The following CBFA2T2 variants were observed in gnomAD, a reference collection of about 807,000 sequenced individuals.
The protein encoded by CBFA2T2 is CBFA2/RUNX1 partner transcriptional co-repressor 2.
In CBFA2T2, 11 loss-of-function variants were observed where a neutral mutation model predicts 62.2. The ratio of observed to expected loss-of-function variants is 0.18; its 90% confidence interval spans 0.11 to 0.29. The LOEUF (loss-of-function observed/expected upper bound fraction) is 0.29. Among genes scored for constraint, CBFA2T2 ranks in the 10% least tolerant of loss-of-function variants. CBFA2T2 has a pLI of 1.00. For synonymous variants in CBFA2T2, 295 were observed against 287.5 expected (o/e 1.03, Z -0.27); for missense variants, 592 against 774.1 (o/e 0.76, Z 2.79).
At position 33,518,708 on chromosome 20, in the gene CBFA2T2, G is replaced by A. The variant is rs1600921314; in HGVS notation, c.34+28407G>A. On this transcript the variant is annotated intron_variant, in intron 1 of 10. Transcript: ENST00000342704. ...AATCTCTTGAACCCGAGTGGCAGAG[G>A]TTGCGGTGAGCTGATAACACGCCAT... Among the ~76,000 whole-genome samples the A allele has an allele frequency of 2.0e-5, 3 of 151,534 alleles. No individual in the cohort carries two copies. The East Asian group carries it at 5.8e-4, about 30-fold the overall frequency.
At chr20:33,642,439 CA>C (rs994897834) in intron 10 of CBFA2T2, among the ~76,000 whole-genome samples, 17 of 148,038 alleles carry the variant, frequency 1.1e-4, no homozygotes, top group African/African-American at 2.2e-4. Context: ...CCATTTCTGC[CA>C]AAAAAAAAAT....
At chr20:33,517,297 A>G (rs1000708440) in intron 1 of CBFA2T2, among the ~76,000 whole-genome samples, 7 of 152,190 alleles carry the variant, frequency 4.6e-5, no homozygotes, top group Admixed American at 4.6e-4. Context: ...TTCATGACAT[A>G]TGGGAAGAAA....
chr20:33,516,764 C>T (rs887474083), intron 1 of CBFA2T2, among the ~76,000 whole-genome samples: 5 of 152,200 alleles, frequency 3.3e-5, no homozygotes, highest in African/African-American at 2.4e-5. Context: ...GTAATACTCA[C>T]GCAGTGTTTT....
At chr20:33,518,813 T>G (rs1600921408) in intron 1 of CBFA2T2, among the ~76,000 whole-genome samples, 1 of 152,008 alleles carries the variant, frequency 6.6e-6, no homozygotes. Flanking sequence ...GTCTTGGTTT[T>G]CTTTTTTTCT....
At chr20:33,590,351 A>T (rs1183329416) in intron 1 of CBFA2T2, among the ~76,000 whole-genome samples, 5 of 151,960 alleles carry the variant, frequency 3.3e-5, no homozygotes, top group Non-Finnish European at 7.4e-5. Flanking sequence ...TTTTTTAAGT[A>T]CCTGTTGGCC....
At chr20:33,550,608 GTTAT>G (rs55635841) in intron 1 of CBFA2T2, among the ~76,000 whole-genome samples, 2,788 of 150,184 alleles carry the variant, frequency 0.019, 73 homozygotes, top group African/African-American at 0.063. Flanking sequence ...TACTAATGTG[GTTAT>G]TTATTTATTT....
chr20:33,557,192 T>C (rs1263069269), intron 1 of CBFA2T2, among the ~76,000 whole-genome samples: 1 of 151,888 alleles, frequency 6.6e-6, no homozygotes, highest in East Asian at 1.9e-4. Context: ...TTTTTGTATT[T>C]TTAGTAGAGA....
At chr20:33,600,775 G>A (rs2015100341) in intron 1 of CBFA2T2, among the ~76,000 whole-genome samples, 1 of 151,998 alleles carries the variant, frequency 6.6e-6, no homozygotes, top group Admixed American at 6.6e-5. Context: ...TTTCCCATAA[G>A]TGAGGTCCCT....
At chr20:33,552,896 A>C (rs780858001) in intron 1 of CBFA2T2, among the ~76,000 whole-genome samples, 4 of 151,994 alleles carry the variant, frequency 2.6e-5, no homozygotes, top group Non-Finnish European at 5.9e-5. Context: ...AATATTCTTC[A>C]TCTCCACCCC....
At chr20:33,536,933 G>A (rs561920404) in intron 1 of CBFA2T2, among the ~76,000 whole-genome samples, 3 of 151,156 alleles carry the variant, frequency 2.0e-5, no homozygotes, top group East Asian at 2.0e-4. Flanking sequence ...ATGGGATGGC[G>A]GCCGGGCAGA....
chr20:33,642,627 A>T (rs1292133076), intron 10 of CBFA2T2, among the ~76,000 whole-genome samples: 3 of 151,962 alleles, frequency 2.0e-5, no homozygotes, highest in African/African-American at 7.3e-5. Flanking sequence ...AAAAAGAAAA[A>T]AGGTGATGAC....
intron 1 of CBFA2T2, among the ~76,000 whole-genome samples, chr20:33,538,792 C>T (rs1165746440): frequency 6.6e-6 from 1 of 150,498 alleles, no homozygotes; most frequent in Non-Finnish European, 1.5e-5. Flanking sequence ...AGATTCTGTC[C>T]TTTTCAATTT....
intron 1 of CBFA2T2, among the ~76,000 whole-genome samples, chr20:33,503,499 C>A (rs1012455711): frequency 2.0e-5 from 3 of 152,010 alleles, no homozygotes; most frequent in Non-Finnish European, 4.4e-5. Flanking sequence ...GTGATCCGCC[C>A]GCCTCGGCCT....
intron 1 of CBFA2T2, among the ~76,000 whole-genome samples, chr20:33,576,919 C>G (rs2013854932): frequency 6.6e-6 from 1 of 152,250 alleles, no homozygotes; most frequent in Non-Finnish European, 1.5e-5. Flanking sequence ...GATCTTATAG[C>G]TGCTACTTTT....
intron 10 of CBFA2T2, among the ~76,000 whole-genome samples, chr20:33,642,112 TTTTTTG>T (rs1404642978): frequency 0.012 from 884 of 74,614 alleles, 6 homozygotes; most frequent in African/African-American, 0.015. Flanking sequence ...TGTCTTTTTT[TTTTTTG>T]TGTGTGTGTG....
At chr20:33,591,467 C>CAAA (rs11475752) in intron 1 of CBFA2T2, among the ~76,000 whole-genome samples, 1 of 98,076 alleles carries the variant, frequency 1.0e-5, no homozygotes, top group Non-Finnish European at 2.2e-5. Context: ...GAGTAAATCT[C>CAAA]AAAAAAAAAA....
intron 2 of CBFA2T2, among the ~76,000 whole-genome samples, chr20:33,608,905 G>A (rs908423832): frequency 6.6e-6 from 1 of 152,170 alleles, no homozygotes; most frequent in African/African-American, 2.4e-5. Flanking sequence ...TGAAAACAAA[G>A]AAATGGCAGA....
At chr20:33,507,798 G>C (rs771813661) in intron 1 of CBFA2T2, among the ~76,000 whole-genome samples, 3 of 152,146 alleles carry the variant, frequency 2.0e-5, no homozygotes, top group African/African-American at 4.8e-5. Flanking sequence ...TCTTTTCATA[G>C]ATCTGTAGAG....
rs1188158638 is a variant in CBFA2T2, at chr20:33,623,783, C to A, written c.692+487C>A. On this transcript the variant is annotated intron_variant, in intron 5 of 10. Coordinates refer to ENST00000342704, the MANE Select transcript of CBFA2T2 (RefSeq NM_001032999.3). ...TATTCCAATACCTAGCTGCATAATA[C>A]ATCTAAAATCTATGGGAGTAGCTTC... The A allele has an allele frequency of 5.6e-6, 4 of 713,286 alleles. No individual in the cohort carries two copies. In the African/African-American group the frequency reaches 7.0e-5, roughly 13 times the overall value. 44.2% of individuals were successfully genotyped at this position (713,286 alleles called of 1,614,324 possible).
Sources: gnomAD v4.1 joint callset for allele counts (sites outside exome capture counted in the v4.1 genomes callset) on GRCh38, gnomAD v4.1.1 for gene constraint, MANE v1.5 for transcripts, NCBI Gene and HGNC (gene_info 2026-07-23, HGNC 2026-07-21) for gene names.